Variants in NKD2 observed in about 807,000 individuals in gnomAD.
NKD2 encodes NKD inhibitor of Wnt signaling pathway 2, also known as protein naked cuticle homolog 2.
NKD2 carries 43 observed loss-of-function variants against 34.8 expected under a neutral mutation model. That is an observed-to-expected ratio of 1.24 (90% CI 0.97 to 1.60). NKD2 has a LOEUF of 1.60. Ranked by LOEUF, NKD2 falls within the 40% of genes most tolerant of loss-of-function variation. The pLI, the probability that NKD2 is intolerant of heterozygous loss-of-function variation, is 0.00. For synonymous variants in NKD2, 278 were observed against 265.1 expected, an observed-to-expected ratio of 1.05 and a Z score of -0.47; for missense variants, 675 against 627.1, an observed-to-expected ratio of 1.08 and a Z score of -0.82.
intron 8 of NKD2, chr5:1,035,847 C>T (rs1304276526): frequency 2.5e-5 from 8 of 325,408 alleles, no homozygotes; most frequent in Non-Finnish European, 4.4e-5. Context: ...TTGGGGGTGG[C>T]TGGGGCAATG....
At chr5:1,037,415 C>T in intron 9 of NKD2, 1 of 1,065,790 alleles carries the variant, frequency 9.4e-7, no homozygotes, top group East Asian at 2.6e-5. Context: ...GGTGGCAGTC[C>T]TGAGTCCTTC....
chr5:1,016,608 C>T (rs1329290940), intron 3 of NKD2, among the ~76,000 whole-genome samples: 2 of 152,206 alleles, frequency 1.3e-5, no homozygotes, highest in African/African-American at 4.8e-5. Context: ...TGCCAGAGGC[C>T]GATGGAAACG....
intron 3 of NKD2, among the ~76,000 whole-genome samples, chr5:1,027,144 G>A (rs1756450066): frequency 6.6e-6 from 1 of 152,268 alleles, no homozygotes; most frequent in Non-Finnish European, 1.5e-5. Flanking sequence ...CCAAGGACAG[G>A]GAGGTGCACC....
intron 3 of NKD2, among the ~76,000 whole-genome samples, chr5:1,016,911 A>T (rs1755978600): frequency 1.3e-5 from 2 of 151,644 alleles, no homozygotes; most frequent in African/African-American, 4.9e-5. Flanking sequence ...CACAAAGGAT[A>T]ACAGAGCTGA....
intron 3 of NKD2, among the ~76,000 whole-genome samples, chr5:1,012,734 C>T (rs1238254764): frequency 6.6e-6 from 1 of 152,254 alleles, no homozygotes; most frequent in African/African-American, 2.4e-5. Context: ...CATATGCCTG[C>T]AGCTGGCCTT....
chr5:1,010,353 T>G (rs1017229712), intron 3 of NKD2, among the ~76,000 whole-genome samples: 1 of 152,172 alleles, frequency 6.6e-6, no homozygotes, highest in Non-Finnish European at 1.5e-5. Flanking sequence ...ACTTGCCCCT[T>G]GCTTCCTCCC....
intron 3 of NKD2, among the ~76,000 whole-genome samples, chr5:1,015,918 A>C (rs1039066302): frequency 6.6e-6 from 1 of 152,200 alleles, no homozygotes; most frequent in African/African-American, 2.4e-5. Flanking sequence ...AATCAGTTCC[A>C]AGGGCTCCAG....
At chr5:1,021,403 C>G (rs1303006472) in intron 3 of NKD2, among the ~76,000 whole-genome samples, 8 of 134,452 alleles carry the variant, frequency 6.0e-5, no homozygotes, top group South Asian at 2.6e-4. Context: ...CGTCCCAACC[C>G]CTGCCCCCGA....
At chr5:1,012,519 A>C (rs1755793848) in intron 3 of NKD2, among the ~76,000 whole-genome samples, 1 of 152,230 alleles carries the variant, frequency 6.6e-6, no homozygotes, top group Admixed American at 6.5e-5. Context: ...GAAGGGAGCC[A>C]GGAGGACCAC....
chr5:1,038,473 C>T lies in NKD2; in HGVS notation c.*100C>T, dbSNP rs1348601382. 1.3e-6 allele frequency: 2 copies of T among 1,518,474 alleles called. No homozygotes were observed. The highest frequency in any genetic ancestry group is 1.7e-6 in the Non-Finnish European group (2 of 1,143,030). 94.1% of individuals were successfully genotyped at this position (1,518,474 alleles called of 1,614,324 possible). ...GGCTGTGTGCCCATGGGGAGCCCAG[C>T]CCCCACCCCCCACCTCCGACAGCAA... On this transcript the variant is annotated 3_prime_UTR_variant, in exon 10 of 10. Coordinates refer to ENST00000296849, the MANE Select transcript of NKD2 (RefSeq NM_033120.4). The surrounding 1 kb of genome is among the most constrained non-coding windows in gnomAD (Gnocchi z 4.5).
Position 1,038,176 on chromosome 5 carries a change from C to T in NKD2, c.1159C>T (p.Gln387Ter). The change falls in exon 10 of 10, where the codon CAA (glutamine) becomes TAA (stop). Residue 387 changes from glutamine (Q) to a stop codon, truncating the protein, a stop_gained. Coordinates refer to ENST00000296849, the MANE Select transcript of NKD2 (RefSeq NM_033120.4). LOFTEE classifies it low-confidence loss of function (END_TRUNC). This position sits in a 1 kb window ranked among gnomAD's most constrained non-coding sequence, Gnocchi z 4.5. ...ACCCTACGGCCACAAGCGGTACCGC[C>T]AAAAGGGCAGGGAGGGCCACTCGCC... ...PPPYGHKRYR[Q>*]KGREGHSPLK... is the part of the protein sequence containing the mutation. 1 of 1,587,252 alleles carries T rather than the reference C, an allele frequency of 6.3e-7. No individual in the cohort carries two copies. The highest frequency in any genetic ancestry group is 1.7e-5 in the Admixed American group (1 of 57,220).
chr5:1,020,669 C>CTTTTTT (rs576773512), intron 3 of NKD2, among the ~76,000 whole-genome samples: 9 of 114,210 alleles, frequency 7.9e-5, no homozygotes, highest in African/African-American at 1.8e-4. Flanking sequence ...TGTTGCTTGT[C>CTTTTTT]TTTTTTTTTT....
At chr5:1,034,367 TAGAC>T in intron 6 of NKD2, 37 bp downstream of exon 6, 11 of 1,519,492 alleles carry the variant, frequency 7.2e-6, no homozygotes, top group South Asian at 1.1e-5. Flanking sequence ...TCCACAGTAG[TAGAC>T]AGACGGGGCA....
At position 1,036,501 on chromosome 5, in the gene NKD2, CAA is replaced by C. The variant is rs1254296501; in HGVS notation, c.787+118_787+119del. The C allele has an allele frequency of 9.3e-3, 4,885 of 525,792 alleles. 2 individuals carry two copies. Among genetic ancestry groups the C allele is most frequent in the African/African-American group, 0.029 (794 of 27,402 alleles). 32.6% of individuals were successfully genotyped at this position (525,792 alleles called of 1,614,324 possible). The stretch of plus-strand genomic sequence containing the variant: ...CTCCCTGCCCTGCCCCGCCCCCCCC[CAA>C]CCCCCCCCACCCCACCCCACCCAGG... On this transcript the variant is annotated intron_variant, in intron 9 of 9. Coordinates refer to ENST00000296849, the MANE Select transcript of NKD2 (RefSeq NM_033120.4).
chr5:1,016,801 A>G (rs906976554), intron 3 of NKD2, among the ~76,000 whole-genome samples: 1 of 152,192 alleles, frequency 6.6e-6, no homozygotes, highest in Admixed American at 6.5e-5. Context: ...CTGTTTTTGG[A>G]TAACAGAGCC....
Position 1,038,542 on chromosome 5 carries a change from C to T in NKD2, c.*169C>T, listed in dbSNP as rs1360506129. The T allele has an allele frequency of 2.9e-6, 4 of 1,399,734 alleles. No individual in the cohort carries two copies. Among genetic ancestry groups the T allele is most frequent in the Admixed American group, 4.0e-5 (2 of 50,510 alleles). 86.7% of individuals were successfully genotyped at this position (1,399,734 alleles called of 1,614,324 possible). On this transcript the variant is annotated 3_prime_UTR_variant, in exon 10 of 10. Transcript: ENST00000296849. The surrounding 1 kb of genome is among the most constrained non-coding windows in gnomAD (Gnocchi z 4.5). ...TGCTGGCATGATGGAGGTGGTGCAC[C>T]TTGGACACGTGGACAAGGCCCAGGC...
rs1755651504 is a variant in NKD2 at position 1,009,260 on chromosome 5, C to T, written c.61+46C>T. 2.1e-6 allele frequency: 1 copy of T among 486,158 alleles called. No individual in the cohort carries two copies. The highest frequency in any genetic ancestry group is 3.6e-6 in the Non-Finnish European group (1 of 280,188). 30.1% of individuals were successfully genotyped at this position (486,158 alleles called of 1,614,324 possible). On this transcript the variant is annotated intron_variant, in intron 2 of 9. Transcript: ENST00000296849. This position sits in a 1 kb window ranked among gnomAD's most constrained non-coding sequence, Gnocchi z 6.9. ...GCGGGGCGGGGGGCGGCGACCCGGC[C>T]CGGGACCCTCAGAGCTAGGAGCCCG...
At chr5:1,026,285 C>T (rs748391818) in intron 3 of NKD2, among the ~76,000 whole-genome samples, 4 of 36,292 alleles carry the variant, frequency 1.1e-4, no homozygotes, top group Admixed American at 3.7e-4. Context: ...CCGCTGTGGG[C>T]GTCCCAGCCC....
At chr5:1,014,612 G>GT (rs2150727113) in intron 3 of NKD2, among the ~76,000 whole-genome samples, 1 of 152,340 alleles carries the variant, frequency 6.6e-6, no homozygotes, top group Admixed American at 6.5e-5. Context: ...AGAGCTGGCA[G>GT]TAAGTCCATG....
Sources: gnomAD v4.1 joint callset for allele counts (sites outside exome capture counted in the v4.1 genomes callset) on GRCh38, gnomAD v4.1.1 for gene constraint, Gnocchi (gnomAD v3.1) non-coding constraint, MANE v1.5 for transcripts, NCBI Gene and HGNC (gene_info 2026-07-23, HGNC 2026-07-21) for gene names.